GPR137B: variants seen among roughly 807,000 people sequenced by gnomAD.
The protein encoded by GPR137B is integral membrane protein GPR137B.
Under a neutral mutation model 42.5 loss-of-function variants are expected in GPR137B, and 42 were observed. The ratio of observed to expected loss-of-function variants is 0.99; its 90% CI spans 0.77 to 1.28. The LOEUF is 1.28. GPR137B is among the 50% of genes most tolerant of loss of function. The probability of loss-of-function intolerance (pLI) is 0.00; values close to 1 mark genes in which losing one functional copy is unlikely to be tolerated. For synonymous variants in GPR137B, 218 were observed against 209.7 expected, an observed-to-expected ratio of 1.04 and a Z score of -0.34; for missense variants, 487 against 493.9, an observed-to-expected ratio of 0.99 and a Z score of 0.13.
At chr1:236,204,600 A>G (rs1663598974) in intron 5 of GPR137B, among the ~76,000 whole-genome samples, 1 of 152,092 alleles carries the variant, frequency 6.6e-6, no homozygotes, top group Non-Finnish European at 1.5e-5. Flanking sequence ...ACTAACAGTG[A>G]AAGTCTTTAG....
rs2102905596 is a variant in GPR137B at position 236,171,681 on chromosome 1, A to G, written c.464+2926A>G. Among the ~76,000 whole-genome samples, 2 of 152,310 alleles carry G rather than the reference A, an allele frequency of 1.3e-5. No homozygotes were observed. The highest frequency in any genetic ancestry group is 4.1e-4 in the South Asian group (2 of 4,824). ...GCGCTGACATGTATGGCTGCATTTT[A>G]TTGGGAAGGGATTCACAGAAATGAA... On this transcript the variant is annotated intron_variant, in intron 2 of 6. Transcript: ENST00000366592. The surrounding 1 kb of genome is among the most constrained non-coding windows in gnomAD (Gnocchi z 4.4).
intron 6 of GPR137B, 143 bp from the exon 7 acceptor site, chr1:236,207,907 A>T (rs200417336): frequency 1.6e-6 from 1 of 619,172 alleles, no homozygotes; most frequent in East Asian, 2.7e-5. Flanking sequence ...TTTTGTGGGA[A>T]AATGGACTTT....
chr1:236,196,434 G>A (rs550769892), intron 5 of GPR137B, among the ~76,000 whole-genome samples: 28 of 152,198 alleles, frequency 1.8e-4, no homozygotes, highest in African/African-American at 5.3e-4. Context: ...GCCACTGTGC[G>A]TGGCCAAGAA....
rs552270312 is a variant in GPR137B at position 236,160,232 on chromosome 1, A to G, written c.415-8474A>G. On this transcript the variant is annotated intron_variant, in intron 1 of 6. Coordinates refer to ENST00000366592, the MANE Select transcript of GPR137B (RefSeq NM_003272.4). ...CCCCTGTCCTCCCATCCTTCTTGCC[A>G]CAACGGGGGAAGCCCTGAAAAACCC... is the stretch of plus-strand genomic sequence containing the variant. Among the ~76,000 whole-genome samples, 3 of 152,190 alleles carry G rather than the reference A, an allele frequency of 2.0e-5. 1 individual carries two copies. The South Asian group carries it at 6.3e-4, about 32-fold the overall frequency.
chr1:236,206,665 A>G (rs1663672337), intron 6 of GPR137B, among the ~76,000 whole-genome samples: 1 of 152,234 alleles, frequency 6.6e-6, no homozygotes, highest in African/African-American at 2.4e-5. Context: ...GATCCACCCC[A>G]GGATTCCAAG....
chr1:236,180,128 C>G, intron 4 of GPR137B, 100 bp downstream of exon 4: 1 of 880,242 alleles, frequency 1.1e-6, no homozygotes, highest in Non-Finnish European at 1.9e-6. Flanking sequence ...TCTGGATGCT[C>G]AAGTCCCTGA....
chr1:236,184,856 T>C (rs1241372412), intron 5 of GPR137B, among the ~76,000 whole-genome samples: 1 of 152,036 alleles, frequency 6.6e-6, no homozygotes, highest in Non-Finnish European at 1.5e-5. Flanking sequence ...AACCTCCGCC[T>C]CCCGGGTTTA....
chr1:236,174,815 C>A (rs180989972), intron 2 of GPR137B, among the ~76,000 whole-genome samples: 1 of 152,112 alleles, frequency 6.6e-6, no homozygotes, highest in Non-Finnish European at 1.5e-5. Context: ...TCACTGTACT[C>A]CAGCCTGGGT....
rs1662439681 is a variant in GPR137B, at chr1:236,168,824, C to T, written c.464+69C>T. 43 of 1,133,914 alleles carry T rather than the reference C, an allele frequency of 3.8e-5. 1 individual carries two copies. In the South Asian group the frequency reaches 4.9e-4, roughly 13 times the overall value. The allele number at this position is 1,133,914 out of a possible 1,614,324, so 70.2% of individuals were successfully genotyped here. A position where few individuals can be genotyped will look rare whatever the true frequency, so the allele number is the denominator to read the frequency against. ...TGCCGACACATGAATCTCATCTCTC[C>T]ATTGGGGTTTGCACACATCGCTGTT... On this transcript the variant is annotated intron_variant, in intron 2 of 6. Coordinates refer to ENST00000366592, the MANE Select transcript of GPR137B (RefSeq NM_003272.4).
chr1:236,195,645 G>A (rs192748575), intron 5 of GPR137B, among the ~76,000 whole-genome samples: 83 of 152,306 alleles, frequency 5.4e-4, no homozygotes, highest in Admixed American at 3.7e-3. Context: ...GCTGGATCAT[G>A]TGGTAGCTCA....
chr1:236,173,821 C>T (rs1361015836), intron 2 of GPR137B, among the ~76,000 whole-genome samples: 6 of 152,102 alleles, frequency 3.9e-5, no homozygotes, highest in African/African-American at 9.7e-5. Context: ...AAAACTCTCT[C>T]GCCACACCTC....
Position 236,205,997 on chromosome 1 carries a change from GTATT to G in GPR137B, c.1091+756_1091+759del, listed in dbSNP as rs767559390. Among the ~76,000 whole-genome samples the G allele has an allele frequency of 6.6e-5, 10 of 152,166 alleles. No individual in the cohort carries two copies. The South Asian group carries it at 8.3e-4, about 13-fold the overall frequency. ...CTAAAGCTAGAGAGTAAATGCAGTA[GTATT>G]TATTTATTAGAATAAATTATACATT... On this transcript the variant is annotated intron_variant, in intron 6 of 6. Transcript: ENST00000366592.
chr1:236,192,505 G>A (rs1194931852), intron 5 of GPR137B, among the ~76,000 whole-genome samples: 1 of 152,202 alleles, frequency 6.6e-6, no homozygotes, highest in Non-Finnish European at 1.5e-5. Context: ...TCTGCGGGTT[G>A]TGAAGACTGT....
At chr1:236,196,376 G>A (rs761152401) in intron 5 of GPR137B, among the ~76,000 whole-genome samples, 1 of 152,180 alleles carries the variant, frequency 6.6e-6, no homozygotes, top group Non-Finnish European at 1.5e-5. Flanking sequence ...CTGACCTCAA[G>A]TCATCCACCT....
intron 2 of GPR137B, among the ~76,000 whole-genome samples, chr1:236,169,304 GC>G: frequency 6.6e-6 from 1 of 152,248 alleles, no homozygotes; most frequent in South Asian, 2.1e-4. Flanking sequence ...GGCCTTACCC[GC>G]CTTGTCTCAG....
At chr1:236,183,529 C>T (rs73122932) in intron 4 of GPR137B, among the ~76,000 whole-genome samples, 2,011 of 152,188 alleles carry the variant, frequency 0.013, 44 homozygotes, top group African/African-American at 0.046. Flanking sequence ...TTTAAAAAAT[C>T]CGTATCTGAG....
rs1663740600 is a variant in GPR137B at position 236,208,677 on chromosome 1, C to T, written c.*519C>T. 1.0e-6 allele frequency: 1 copy of T among 985,414 alleles called. No homozygotes were observed. Among genetic ancestry groups the T allele is most frequent in the Non-Finnish European group, 1.2e-6 (1 of 829,640 alleles). The allele number at this position is 985,414 out of a possible 1,614,324, so 61.0% of individuals were successfully genotyped here. On this transcript the variant is annotated 3_prime_UTR_variant, in exon 7 of 7. Coordinates refer to ENST00000366592, the MANE Select transcript of GPR137B (RefSeq NM_003272.4). ...ATACAGTTGACAACTTAGCCAATTG[C>T]AACTCCAGTGTTGATAATTAAAATG...
intron 1 of GPR137B, among the ~76,000 whole-genome samples, chr1:236,146,456 A>T (rs1661685005): frequency 1.3e-5 from 2 of 152,082 alleles, no homozygotes; most frequent in African/African-American, 2.4e-5. Context: ...GAGGTCCGAG[A>T]TGGGGAGGAA....
intron 5 of GPR137B, among the ~76,000 whole-genome samples, chr1:236,191,769 C>G (rs1228444131): frequency 6.6e-6 from 1 of 152,204 alleles, no homozygotes; most frequent in Admixed American, 6.5e-5. Context: ...TCAGCCCCTA[C>G]TGGGAGGTAT....
Sources: allele counts gnomAD v4.1 joint callset (sites outside exome capture counted in the v4.1 genomes callset), GRCh38; gene constraint gnomAD v4.1.1; non-coding constraint Gnocchi (gnomAD v3.1); transcripts MANE v1.5; gene names NCBI Gene and HGNC (gene_info 2026-07-23, HGNC 2026-07-21).